PHACTR2: variants seen among roughly 807,000 people sequenced by gnomAD.
The protein encoded by PHACTR2 is phosphatase and actin regulator 2.
In PHACTR2, 30 loss-of-function variants were observed where a neutral mutation model predicts 76.0. The observed-to-expected ratio is 0.39, with a 90% CI of 0.30 to 0.54. The LOEUF (loss-of-function observed/expected upper bound fraction) is 0.54, where lower values mean the gene tolerates loss of function less well. PHACTR2 is among the 20% of genes least tolerant of loss of function. The probability of loss-of-function intolerance (pLI) is 0.61; values close to 1 mark genes in which losing one functional copy is unlikely to be tolerated. For synonymous variants in PHACTR2, 292 were observed against 292.5 expected (o/e 1.00, Z 0.02); for missense variants, 696 against 781.1 (o/e 0.89, Z 1.30).
Position 143,783,128 on chromosome 6 carries a change from T to C in PHACTR2, c.1646-91T>C. On this transcript the variant is annotated intron_variant, in intron 9 of 12. Coordinates refer to ENST00000440869, the MANE Select transcript of PHACTR2 (RefSeq NM_001100164.2). The surrounding 1 kb of genome is among the most constrained non-coding windows in gnomAD (Gnocchi z 5.2). Reference sequence around the variant, plus strand: ...GGTTGTGTGTTTGATCATTATTTGTTAGAGTCACATGATCGTGGCCTGATA... The same window carrying C: ...GGTTGTGTGTTTGATCATTATTTGTCAGAGTCACATGATCGTGGCCTGATA... The C allele has an allele frequency of 1.4e-6, 1 of 717,130 alleles. No homozygotes were observed. The highest frequency in any genetic ancestry group is 2.5e-6 in the Non-Finnish European group (1 of 407,366). 44.4% of individuals were successfully genotyped at this position (717,130 alleles called of 1,614,324 possible).
rs778945421 is a variant in PHACTR2, at chr6:143,602,749, C to A, written c.217+65542C>A. Among the ~76,000 whole-genome samples the A allele has an allele frequency of 6.6e-6, 1 of 152,186 alleles. No individual in the cohort carries two copies. Among genetic ancestry groups the A allele is most frequent in the Non-Finnish European group, 1.5e-5 (1 of 68,032 alleles). On this transcript the variant is annotated intron_variant, in intron 1 of 11. Coordinates refer to the PHACTR2 transcript ENST00000367584. This position sits in a 1 kb window ranked among gnomAD's most constrained non-coding sequence, Gnocchi z 6.1. ...ACCTTGGCCAAAAGTCCAAACTTGT[C>A]GGAAGACTGTGTCTGATGGATGTTG...
rs114097415 is a variant in PHACTR2, at chr6:143,538,816, T to C, written c.217+1609T>C. On this transcript the variant is annotated intron_variant, in intron 1 of 11. Coordinates refer to the PHACTR2 transcript ENST00000367584. ...TGCCGTTGTGACTTTGTAGATCGCA[T>C]TGGATGAAACAAGTCAGAACTGTTA... Among the ~76,000 whole-genome samples, 315 of 152,344 alleles carry C rather than the reference T, an allele frequency of 2.1e-3. 1 individual carries two copies. The highest frequency in any genetic ancestry group is 7.3e-3 in the African/African-American group (305 of 41,588).
chr6:143,683,059 C>T lies in PHACTR2; in HGVS notation c.46+4850C>T, dbSNP rs962713821. ...TCCCACTTGGGTAATGTGTATAATC[C>T]TTTTTGTATGTTGCTGGGTTAGGTT... On this transcript the variant is annotated intron_variant, in intron 1 of 12. Transcript: ENST00000440869. The surrounding 1 kb of genome is among the most constrained non-coding windows in gnomAD (Gnocchi z 4.1). 6.6e-6 allele frequency among the ~76,000 whole-genome samples: 1 copy of T among 152,128 alleles called. No individual in the cohort carries two copies. Among genetic ancestry groups the T allele is most frequent in the African/African-American group, 2.4e-5 (1 of 41,426 alleles).
At position 143,664,690 on chromosome 6, in the gene PHACTR2, C is replaced by T. The variant is rs1777003287; in HGVS notation, c.14-47326C>T. 6.6e-6 allele frequency among the ~76,000 whole-genome samples: 1 copy of T among 152,168 alleles called. No homozygotes were observed. The highest frequency in any genetic ancestry group is 2.4e-5 in the African/African-American group (1 of 41,462). On this transcript the variant is annotated intron_variant, in intron 1 of 11. Coordinates refer to the PHACTR2 transcript ENST00000305766. The surrounding 1 kb of genome is among the most constrained non-coding windows in gnomAD (Gnocchi z 5.1). ...CTTCACTACTTCCTCATTTGCAGAG[C>T]CGATAGTTTATTAAATTCACCATCA...
At position 143,757,885 on chromosome 6, in the gene PHACTR2, G is replaced by T. The variant is rs540971934; in HGVS notation, c.455-2516G>T. 6.6e-6 allele frequency among the ~76,000 whole-genome samples: 1 copy of T among 152,220 alleles called. No individual in the cohort carries two copies. Among genetic ancestry groups the T allele is most frequent in the South Asian group, 2.1e-4 (1 of 4,822 alleles). ...TGGAATTTTAAATTTCAGACAAAAG[G>T]AGTTTATAATTCAGTCAAAAAATTA... On this transcript the variant is annotated intron_variant, in intron 4 of 12. Coordinates refer to ENST00000440869, the MANE Select transcript of PHACTR2 (RefSeq NM_001100164.2). This position sits in a 1 kb window ranked among gnomAD's most constrained non-coding sequence, Gnocchi z 4.2.
At chr6:143,770,393 G>A (rs1775074539) in intron 6 of PHACTR2, among the ~76,000 whole-genome samples, 1 of 152,098 alleles carries the variant, frequency 6.6e-6, no homozygotes, top group South Asian at 2.1e-4. Flanking sequence ...GTTTCAATTT[G>A]GGAAGACGAA....
At position 143,562,905 on chromosome 6, in the gene PHACTR2, G is replaced by A. The variant is rs1032340520; in HGVS notation, c.217+25698G>A. ...ATGGATAAATATTGTATGATTCCAC[G>A]TAGAGGATTTACCTAGAATAGGCAA... On this transcript the variant is annotated intron_variant, in intron 1 of 11. Transcript: ENST00000367584. This position sits in a 1 kb window ranked among gnomAD's most constrained non-coding sequence, Gnocchi z 5.1. Among the ~76,000 whole-genome samples the A allele has an allele frequency of 1.3e-5, 2 of 152,182 alleles. No homozygotes were observed. Among genetic ancestry groups the A allele is most frequent in the African/African-American group, 2.4e-5 (1 of 41,438 alleles).
rs567377151 is a variant in PHACTR2, at chr6:143,649,038, G to A, written c.13+40716G>A. 9.3e-4 allele frequency among the ~76,000 whole-genome samples: 142 copies of A among 152,176 alleles called. 1 individual carries two copies. The highest frequency in any genetic ancestry group is 3.2e-3 in the African/African-American group (131 of 41,520). On this transcript the variant is annotated intron_variant, in intron 1 of 11. Coordinates refer to the PHACTR2 transcript ENST00000305766. ...TCTGTGTGTCTATGTGCATGACTGTGTGTGTCTGCATACACTCAAAATGCT... is the reference window on the plus strand; with the variant it reads ...TCTGTGTGTCTATGTGCATGACTGTATGTGTCTGCATACACTCAAAATGCT...
At position 143,753,466 on chromosome 6, in the gene PHACTR2, C is replaced by A. The variant is rs1252405843; in HGVS notation, c.296-288C>A. 6.6e-6 allele frequency among the ~76,000 whole-genome samples: 1 copy of A among 152,112 alleles called. No individual in the cohort carries two copies. Among genetic ancestry groups the A allele is most frequent in the South Asian group, 2.1e-4 (1 of 4,826 alleles). The stretch of plus-strand genomic sequence containing the variant: ...CACATAACTATTGACTTCAGACAAA[C>A]CTAAGCACATGAACGAGGGACTCTG... On this transcript the variant is annotated intron_variant, in intron 3 of 12. Coordinates refer to ENST00000440869, the MANE Select transcript of PHACTR2 (RefSeq NM_001100164.2). The surrounding 1 kb of genome is among the most constrained non-coding windows in gnomAD (Gnocchi z 4.6).
chr6:143,746,162 A>G (rs180909007), intron 2 of PHACTR2, among the ~76,000 whole-genome samples: 14 of 152,284 alleles, frequency 9.2e-5, no homozygotes, highest in African/African-American at 3.4e-4. Flanking sequence ...ACACAGGATC[A>G]CTCAGCATTT....
Position 143,597,682 on chromosome 6 carries a change from T to C in PHACTR2, c.217+60475T>C, listed in dbSNP as rs1775769426. 6.6e-6 allele frequency among the ~76,000 whole-genome samples: 1 copy of C among 152,198 alleles called. No individual in the cohort carries two copies. Among genetic ancestry groups the C allele is most frequent in the Non-Finnish European group, 1.5e-5 (1 of 68,030 alleles). On this transcript the variant is annotated intron_variant, in intron 1 of 11. Transcript: ENST00000367584. This position sits in a 1 kb window ranked among gnomAD's most constrained non-coding sequence, Gnocchi z 5.7. ...CATTTGTGTTCTAGCATAGAGGTTT[T>C]TAAAGTCTTTATTCAGCATTGACCT...
At chr6:143,651,867 A>T (rs1213954513) in intron 1 of PHACTR2, among the ~76,000 whole-genome samples, 1 of 150,574 alleles carries the variant, frequency 6.6e-6, no homozygotes, top group Non-Finnish European at 1.5e-5. Flanking sequence ...AAAATATATA[A>T]TATATATATA....
At chr6:143,690,595 C>G (rs1006786831) in intron 1 of PHACTR2, among the ~76,000 whole-genome samples, 2 of 152,202 alleles carry the variant, frequency 1.3e-5, no homozygotes, top group Admixed American at 6.5e-5. Flanking sequence ...TATGCACAAA[C>G]ACTGCCATCC....
chr6:143,540,395 G>A (rs980464124), intron 1 of PHACTR2, among the ~76,000 whole-genome samples: 6 of 152,056 alleles, frequency 3.9e-5, no homozygotes, highest in African/African-American at 1.2e-4. Flanking sequence ...CATTACCCCA[G>A]CCTCCCCCAC....
In PHACTR2 at chr6:143,553,708, G is replaced by A. The variant is rs1304628971; in HGVS notation, c.217+16501G>A. ...AGGCCTAGTTGAGAAGAGGGCTCAGGGGAGCTGACTAGAGTTTGATCAAGA... is the reference window on the plus strand; with the variant it reads ...AGGCCTAGTTGAGAAGAGGGCTCAGAGGAGCTGACTAGAGTTTGATCAAGA... On this transcript the variant is annotated intron_variant, in intron 1 of 11. Coordinates refer to the PHACTR2 transcript ENST00000367584. The surrounding 1 kb of genome is among the most constrained non-coding windows in gnomAD (Gnocchi z 4.2). 6.6e-6 allele frequency among the ~76,000 whole-genome samples: 1 copy of A among 152,210 alleles called. No individual in the cohort carries two copies. Among genetic ancestry groups the A allele is most frequent in the African/African-American group, 2.4e-5 (1 of 41,450 alleles).
rs2128478422 is a variant in PHACTR2 at position 143,784,678 on chromosome 6, C to T, written c.1707+1398C>T. ...TTTCACACTGCTGATAAAGACACAC[C>T]TGAGACTGGGAAGAAAAAGAGATTT... On this transcript the variant is annotated intron_variant, in intron 10 of 12. Coordinates refer to ENST00000440869, the MANE Select transcript of PHACTR2 (RefSeq NM_001100164.2). This position sits in a 1 kb window ranked among gnomAD's most constrained non-coding sequence, Gnocchi z 4.5. 6.6e-6 allele frequency among the ~76,000 whole-genome samples: 1 copy of T among 152,262 alleles called. No homozygotes were observed. The highest frequency in any genetic ancestry group is 2.4e-5 in the African/African-American group (1 of 41,552).
Position 143,558,957 on chromosome 6 carries a change from G to A in PHACTR2, c.217+21750G>A. On this transcript the variant is annotated intron_variant, in intron 1 of 11. Transcript: ENST00000367584. This position sits in a 1 kb window ranked among gnomAD's most constrained non-coding sequence, Gnocchi z 4.7. The stretch of plus-strand genomic sequence containing the variant: ...CACTCCCTGGGAGAAGGGGAGATCT[G>A]TTACAAGTGCACTGAAAGGGTCTCT... Among the ~76,000 whole-genome samples, 1 of 152,282 alleles carries A rather than the reference G, an allele frequency of 6.6e-6. No homozygotes were observed. Among genetic ancestry groups the A allele is most frequent in the East Asian group, 1.9e-4 (1 of 5,176 alleles).
At chr6:143,714,115 T>C (rs1396574062) in intron 2 of PHACTR2, among the ~76,000 whole-genome samples, 1 of 152,240 alleles carries the variant, frequency 6.6e-6, no homozygotes, top group Non-Finnish European at 1.5e-5. Context: ...AGTTATTTTC[T>C]TCTTTAAAAA....
At chr6:143,644,552 G>T in intron 1 of PHACTR2, among the ~76,000 whole-genome samples, 1 of 147,994 alleles carries the variant, frequency 6.8e-6, no homozygotes. Flanking sequence ...ACATTTATTT[G>T]GACTCATGTA....
Sources: allele counts gnomAD v4.1 joint callset (sites outside exome capture counted in the v4.1 genomes callset), GRCh38; gene constraint gnomAD v4.1.1; non-coding constraint Gnocchi (gnomAD v3.1); transcripts MANE v1.5; gene names NCBI Gene and HGNC (gene_info 2026-07-23, HGNC 2026-07-21).